The following TK2 variants were observed in gnomAD, a reference collection of about 807,000 sequenced individuals.
TK2 encodes thymidine kinase 2, also known as thymidine kinase 2, mitochondrial.
A neutral mutation model predicts 41.9 loss-of-function variants in TK2; 35 were observed. The ratio of observed to expected loss-of-function variants is 0.84; its 90% confidence interval spans 0.64 to 1.11. The LOEUF is 1.11. Ranked by LOEUF, TK2 falls within the 50% of genes least tolerant of loss-of-function variation. The pLI is 0.00. For missense variants in TK2, 320 were observed against 351.1 expected (o/e 0.91, Z 0.71); for synonymous variants, 128 against 129.1 (o/e 0.99, Z 0.06).
chr16:66,516,298 A>G (rs1043398549), intron 8 of TK2, among the ~76,000 whole-genome samples: 7 of 152,242 alleles, frequency 4.6e-5, no homozygotes, highest in Non-Finnish European at 8.8e-5. Context: ...GCACATTTGC[A>G]TAACTCCACT....
intron 9 of TK2, among the ~76,000 whole-genome samples, chr16:66,512,993 A>G (rs937582733): frequency 3.9e-5 from 6 of 152,120 alleles, no homozygotes; most frequent in African/African-American, 1.2e-4. Flanking sequence ...CTCACAGCCA[A>G]TCCCATGTTG....
chr16:66,525,416 G>T (rs1050147736), intron 6 of TK2, among the ~76,000 whole-genome samples: 87 of 152,332 alleles, frequency 5.7e-4, no homozygotes, highest in African/African-American at 2.0e-3. Context: ...AAATCCCAAT[G>T]AATTCTAGGT....
intron 9 of TK2, among the ~76,000 whole-genome samples, chr16:66,513,209 G>A (rs1964503752): frequency 6.6e-6 from 1 of 152,332 alleles, no homozygotes; most frequent in Non-Finnish European, 1.5e-5. Context: ...ATGGCAGCAA[G>A]AGAAAGGAGG....
intron 2 of TK2, among the ~76,000 whole-genome samples, chr16:66,542,651 A>C (rs1292535428): frequency 6.6e-6 from 1 of 152,146 alleles, no homozygotes; most frequent in Non-Finnish European, 1.5e-5. Flanking sequence ...GGGTCATGGC[A>C]CTAGTGGGAG....
chr16:66,536,828 T>C, intron 4 of TK2, 136 bp downstream of exon 4: 1 of 1,058,946 alleles, frequency 9.4e-7, no homozygotes, highest in Non-Finnish European at 1.5e-6. Flanking sequence ...CATTTTCTGC[T>C]TGTCCCTCCC....
intron 3 of TK2, 87 bp from the exon 4 acceptor site, chr16:66,537,104 GA>G (rs1163432326): frequency 1.3e-6 from 2 of 1,570,584 alleles, no homozygotes; most frequent in African/African-American, 2.7e-5. Context: ...AGTGAGGAGA[GA>G]AGGGAAAAAG....
chr16:66,547,812 CAGTCCTG>C (rs1965654961), intron 2 of TK2, among the ~76,000 whole-genome samples: 1 of 152,196 alleles, frequency 6.6e-6, no homozygotes, highest in Non-Finnish European at 1.5e-5. Context: ...TGTTTACAAA[CAGTCCTG>C]AGCCTGAATG....
At chr16:66,536,795 A>C (rs775753963) in intron 4 of TK2, among the ~76,000 whole-genome samples, 169 bp downstream of exon 4, 16 of 151,838 alleles carry the variant, frequency 1.1e-4, no homozygotes, top group Non-Finnish European at 2.1e-4. Flanking sequence ...GAGATCCTTG[A>C]CCTCAGAACA....
At position 66,542,135 on chromosome 16, in the gene TK2, A is replaced by C. The variant is rs540196045; in HGVS notation, c.157-182T>G. Among the ~76,000 whole-genome samples the C allele has an allele frequency of 3.3e-5, 5 of 152,334 alleles. No individual in the cohort carries two copies. The East Asian group carries it at 9.7e-4, about 29-fold the overall frequency. ...GTCCCATTGTTAGTAATAACAGATAAGCCGATCCTCCCTGAGTGGCAGGCT... is the reference window on the plus strand; with the variant it reads ...GTCCCATTGTTAGTAATAACAGATACGCCGATCCTCCCTGAGTGGCAGGCT... On this transcript the variant is annotated intron_variant, in intron 2 of 9. Coordinates refer to ENST00000544898, the MANE Select transcript of TK2 (RefSeq NM_004614.5).
chr16:66,542,017 AT>A, intron 2 of TK2, 64 bp from the exon 3 acceptor site: 1 of 1,557,864 alleles, frequency 6.4e-7, no homozygotes, highest in South Asian at 1.1e-5. Flanking sequence ...TCAGGGAATA[AT>A]GGCTACGGAA....
chr16:66,510,959 G>A lies in TK2; in HGVS notation c.*1009C>T, dbSNP rs1423968652. ...CCTGGATGAAATAACACTTCAAAAA[G>A]ACTTAAGGCCACTTGTGTCTCTCTC... On this transcript the variant is annotated 3_prime_UTR_variant, in exon 10 of 10. Transcript: ENST00000544898. The A allele has an allele frequency of 6.6e-6, 1 of 152,132 alleles. No individual in the cohort carries two copies. The highest frequency in any genetic ancestry group is 1.5e-5 in the Non-Finnish European group (1 of 68,038). 9.4% of individuals were successfully genotyped at this position (152,132 alleles called of 1,614,324 possible).
chr16:66,517,055 G>A lies in TK2; in HGVS notation c.618+81C>T. The A allele has an allele frequency of 8.6e-7, 1 of 1,164,116 alleles. No individual in the cohort carries two copies. Among genetic ancestry groups the A allele is most frequent in the Non-Finnish European group, 1.3e-6 (1 of 770,194 alleles). 72.1% of individuals were successfully genotyped at this position (1,164,116 alleles called of 1,614,324 possible). A position where few individuals can be genotyped will look rare whatever the true frequency, so the allele number is the denominator to read the frequency against. ...AAACAAGGGCACAATGATCTCATGG[G>A]GGTGGGGCCGGGAGAGGAAGCCGGG... On this transcript the variant is annotated intron_variant, in intron 8 of 9. Transcript: ENST00000544898. The surrounding 1 kb of genome is among the most constrained non-coding windows in gnomAD (Gnocchi z 4.3).
At chr16:66,536,598 A>C (rs1347573447) in intron 4 of TK2, among the ~76,000 whole-genome samples, 4 of 152,124 alleles carry the variant, frequency 2.6e-5, no homozygotes, top group Non-Finnish European at 5.9e-5. Context: ...CTGGTTACTT[A>C]GAGATAGGTC....
chr16:66,548,745 G>A, intron 2 of TK2: 1 of 533,074 alleles, frequency 1.9e-6, no homozygotes, highest in Middle Eastern at 5.1e-4. Context: ...AAATCTACCT[G>A]AAGGATACAA....
At position 66,536,018 on chromosome 16, in the gene TK2, A is replaced by T. The variant is rs143463590; in HGVS notation, c.285+946T>A. Among the ~76,000 whole-genome samples, 6 of 152,244 alleles carry T rather than the reference A, an allele frequency of 3.9e-5. No individual in the cohort carries two copies. The East Asian group carries it at 1.2e-3, about 29-fold the overall frequency. ...CAGGAGATGGAGACCATCCTGGCCA[A>T]CATGGTAAAACCCTGTCTCTACTAA... On this transcript the variant is annotated intron_variant, in intron 4 of 9. Coordinates refer to ENST00000544898, the MANE Select transcript of TK2 (RefSeq NM_004614.5).
intron 5 of TK2, 59 bp from the exon 6 acceptor site, chr16:66,529,126 C>G: frequency 6.5e-7 from 1 of 1,527,932 alleles, no homozygotes; most frequent in Non-Finnish European, 9.1e-7. Context: ...GCCAGGAGGC[C>G]TTGAGAAATG....
chr16:66,532,163 C>G (rs967590111), intron 4 of TK2, among the ~76,000 whole-genome samples: 1 of 149,642 alleles, frequency 6.7e-6, no homozygotes, highest in Non-Finnish European at 1.5e-5. Context: ...AAGACTCCAC[C>G]AAACAACTGT....
intron 3 of TK2, among the ~76,000 whole-genome samples, chr16:66,539,152 G>A (rs1470816334): frequency 6.6e-6 from 1 of 152,164 alleles, no homozygotes; most frequent in Non-Finnish European, 1.5e-5. Flanking sequence ...CACTTCTAAA[G>A]TGCCATTAAG....
rs1266788915 is a variant in TK2, at chr16:66,514,816, T to C, written c.619-1005A>G. On this transcript the variant is annotated intron_variant, in intron 8 of 9. Transcript: ENST00000544898. This position sits in a 1 kb window ranked among gnomAD's most constrained non-coding sequence, Gnocchi z 4.2. ...ACATAGGAGACTCCATTTTGTTCTG[T>C]ACTAAGAAAAATTCTTCTGCCTTGG... is the stretch of plus-strand genomic sequence containing the variant. Among the ~76,000 whole-genome samples the C allele has an allele frequency of 2.0e-4, 30 of 152,318 alleles. No homozygotes were observed. The highest frequency in any genetic ancestry group is 2.0e-3 in the Admixed American group (30 of 15,302).
Sources: gnomAD v4.1 joint callset for allele counts (sites outside exome capture counted in the v4.1 genomes callset) on GRCh38, gnomAD v4.1.1 for gene constraint, Gnocchi (gnomAD v3.1) non-coding constraint, MANE v1.5 for transcripts, NCBI Gene and HGNC (gene_info 2026-07-23, HGNC 2026-07-21) for gene names.